The following RERE variants were observed in gnomAD, a reference collection of about 807,000 sequenced individuals.
RERE encodes arginine-glutamic acid dipeptide repeats.
RERE carries 40 observed loss-of-function variants against 146.1 expected under a neutral mutation model. The observed-to-expected ratio is 0.27, with a 90% CI of 0.21 to 0.36. RERE has a LOEUF of 0.36. Ranked by LOEUF, RERE falls within the 10% of genes least tolerant of loss-of-function variation. RERE has a pLI of 1.00. For missense variants in RERE, 1,933 were observed against 2,138.7 expected (o/e 0.90, Z 1.90); for synonymous variants, 1,003 against 866.0 (o/e 1.16, Z -2.78).
chr1:8,389,037 T>C (rs1642788541), intron 12 of RERE, among the ~76,000 whole-genome samples: 2 of 152,228 alleles, frequency 1.3e-5, no homozygotes, highest in Non-Finnish European at 2.9e-5. Flanking sequence ...GGATCACTGT[T>C]TTCCTGAGTA....
At chr1:8,670,602 C>T (rs1192093637) in intron 1 of RERE, among the ~76,000 whole-genome samples, 1 of 152,172 alleles carries the variant, frequency 6.6e-6, no homozygotes, top group East Asian at 1.9e-4. Context: ...CAAGGGATCA[C>T]TGGACCTAAA....
At chr1:8,765,718 C>A (rs902677603) in intron 1 of RERE, among the ~76,000 whole-genome samples, 2 of 152,124 alleles carry the variant, frequency 1.3e-5, no homozygotes, top group African/African-American at 4.8e-5. Context: ...CTTTGGGAGA[C>A]CGAGGCAGGC....
At chr1:8,806,622 T>C (rs530618329) in intron 1 of RERE, among the ~76,000 whole-genome samples, 13 of 152,290 alleles carry the variant, frequency 8.5e-5, no homozygotes, top group Non-Finnish European at 1.9e-4. Context: ...ACGTTAATAT[T>C]ATTCATTCAT....
intron 4 of RERE, among the ~76,000 whole-genome samples, chr1:8,602,105 A>G (rs1646638624): frequency 6.6e-6 from 1 of 152,172 alleles, no homozygotes; most frequent in South Asian, 2.1e-4. Flanking sequence ...AGAAATGAAA[A>G]GCAGTCTGGG....
At chr1:8,374,140 C>T (rs570213394) in intron 12 of RERE, among the ~76,000 whole-genome samples, 10 of 152,274 alleles carry the variant, frequency 6.6e-5, no homozygotes, top group Non-Finnish European at 1.2e-4. Flanking sequence ...TGATCTAAAC[C>T]GCCACCCACG....
At chr1:8,773,780 C>A (rs925779724) in intron 1 of RERE, among the ~76,000 whole-genome samples, 4 of 151,998 alleles carry the variant, frequency 2.6e-5, no homozygotes, top group African/African-American at 7.2e-5. Flanking sequence ...GCTGAGATCG[C>A]GCCACTGCAC....
intron 1 of RERE, chr1:8,753,486 CCTT>C (rs1640578583): frequency 6.6e-6 from 1 of 152,004 alleles, no homozygotes; most frequent in South Asian, 2.1e-4. Flanking sequence ...AAGAAGTTTG[CCTT>C]CTATTTGACG....
At chr1:8,367,091 ACT>A (rs1014489266) in intron 12 of RERE, among the ~76,000 whole-genome samples, 3 of 152,306 alleles carry the variant, frequency 2.0e-5, no homozygotes, top group African/African-American at 7.2e-5. Flanking sequence ...CTCATCAAAC[ACT>A]GTCTTGTGAA....
chr1:8,552,614 A>G (rs1201131527), intron 6 of RERE, among the ~76,000 whole-genome samples: 1 of 152,228 alleles, frequency 6.6e-6, no homozygotes, highest in Non-Finnish European at 1.5e-5. Flanking sequence ...GGTAAAGCTT[A>G]ACTTTAACCA....
rs1641743622 is a variant in RERE, at chr1:8,364,970, G to C, written c.1448-132C>G. 2 of 684,080 alleles carry C rather than the reference G, an allele frequency of 2.9e-6. No individual in the cohort carries two copies. Among genetic ancestry groups the C allele is most frequent in the East Asian group, 2.7e-5 (1 of 37,152 alleles). The allele number at this position is 684,080 out of a possible 1,614,324, so 42.4% of individuals were successfully genotyped here. Reference sequence around the variant, plus strand: ...TACTGCAGGTTCTGGCCACCAGTCAGAGCGGCTGGGTGCACAGGCTGAGGT... The same window carrying C: ...TACTGCAGGTTCTGGCCACCAGTCACAGCGGCTGGGTGCACAGGCTGAGGT... On this transcript the variant is annotated intron_variant, in intron 13 of 22. Transcript: ENST00000400908. The surrounding 1 kb of genome is among the most constrained non-coding windows in gnomAD (Gnocchi z 5.1).
chr1:8,549,643 A>C (rs1307543154), intron 6 of RERE, among the ~76,000 whole-genome samples: 1 of 152,242 alleles, frequency 6.6e-6, no homozygotes, highest in Non-Finnish European at 1.5e-5. Context: ...CAGAGTGTCA[A>C]AGTATCTCCC....
intron 1 of RERE, chr1:8,786,971 C>A (rs1257054050): frequency 1.6e-6 from 1 of 631,328 alleles, no homozygotes; most frequent in East Asian, 2.6e-5. Flanking sequence ...CTAACTTTCA[C>A]ACAGCAGCCA....
chr1:8,664,357 T>G (rs991744444), intron 1 of RERE, among the ~76,000 whole-genome samples: 5 of 152,022 alleles, frequency 3.3e-5, no homozygotes, highest in Non-Finnish European at 5.9e-5. Flanking sequence ...CTCCCTCTTT[T>G]CTCATCCTCT....
chr1:8,616,128 A>T (rs1314815299), intron 3 of RERE, among the ~76,000 whole-genome samples: 1 of 152,232 alleles, frequency 6.6e-6, no homozygotes, highest in Non-Finnish European at 1.5e-5. Flanking sequence ...ACTTCTGGAT[A>T]ATCTCTTCCA....
In RERE at chr1:8,651,339, G is replaced by C. The variant is rs77796378; in HGVS notation, c.325+4634C>G. Among the ~76,000 whole-genome samples, 11 of 152,252 alleles carry C rather than the reference G, an allele frequency of 7.2e-5. No individual in the cohort carries two copies. In the East Asian group the frequency reaches 2.1e-3, roughly 29 times the overall value. On this transcript the variant is annotated intron_variant, in intron 2 of 22. Transcript: ENST00000400908. ...GCAGGAGAAGCAATTGAGCCCAGGA[G>C]TTCGAGGATGTGGTTAACTATGATC...
chr1:8,636,625 C>T (rs188537765), intron 2 of RERE, among the ~76,000 whole-genome samples: 2 of 152,126 alleles, frequency 1.3e-5, no homozygotes, highest in African/African-American at 4.8e-5. Flanking sequence ...GACACATGGC[C>T]TCTCAGAATA....
At chr1:8,581,691 A>AT (rs906294390) in intron 4 of RERE, among the ~76,000 whole-genome samples, 4 of 152,228 alleles carry the variant, frequency 2.6e-5, no homozygotes, top group African/African-American at 7.2e-5. Context: ...TATTGAAAAG[A>AT]TTTTTTTCCC....
At chr1:8,654,019 T>C (rs1255548503) in intron 2 of RERE, among the ~76,000 whole-genome samples, 1 of 151,224 alleles carries the variant, frequency 6.6e-6, no homozygotes, top group Non-Finnish European at 1.5e-5. Flanking sequence ...TATTAAGTTC[T>C]AGCACTGACT....
intron 1 of RERE, among the ~76,000 whole-genome samples, chr1:8,688,574 T>A (rs917981427): frequency 1.1e-4 from 17 of 150,056 alleles, no homozygotes; most frequent in Admixed American, 2.0e-4. Flanking sequence ...AAAAAAAAAA[T>A]TAAAATTAAA....
Sources: gnomAD v4.1 joint callset for allele counts (sites outside exome capture counted in the v4.1 genomes callset) on GRCh38, gnomAD v4.1.1 for gene constraint, Gnocchi (gnomAD v3.1) non-coding constraint, MANE v1.5 for transcripts, NCBI Gene and HGNC (gene_info 2026-07-23, HGNC 2026-07-21) for gene names.